SORCS2: variants seen among roughly 807,000 people sequenced by gnomAD.
SORCS2 encodes VPS10 domain-containing receptor SorCS2.
SORCS2 carries 100 observed loss-of-function variants against 141.6 expected under a neutral mutation model. The observed-to-expected ratio is 0.71, with a 90% CI of 0.60 to 0.83. SORCS2 has a LOEUF of 0.83. Among genes scored for constraint, SORCS2 ranks in the 40% least tolerant of loss-of-function variants. The probability of loss-of-function intolerance (pLI) is 0.00; values close to 1 mark genes in which losing one functional copy is unlikely to be tolerated. For missense variants in SORCS2, 1,646 were observed against 1,560.2 expected (o/e 1.05, Z -0.93); for synonymous variants, 789 against 676.9 (o/e 1.17, Z -2.57).
chr4:7,696,801 A>T (rs1368615024), intron 11 of SORCS2, among the ~76,000 whole-genome samples: 1 of 152,152 alleles, frequency 6.6e-6, no homozygotes, highest in Non-Finnish European at 1.5e-5. Flanking sequence ...GCTGTCTCCA[A>T]ACACAAACTC....
intron 1 of SORCS2, among the ~76,000 whole-genome samples, chr4:7,288,760 C>T (rs796617923): frequency 9.6e-4 from 112 of 116,870 alleles, no homozygotes; most frequent in African/African-American, 2.8e-3. Flanking sequence ...ACATTGGCAG[C>T]GAGGGCATCA....
At chr4:7,373,478 A>ATATATATATTTTTT (rs1470691140) in intron 1 of SORCS2, among the ~76,000 whole-genome samples, 3 of 36,814 alleles carry the variant, frequency 8.1e-5, no homozygotes, top group Non-Finnish European at 1.2e-4. Flanking sequence ...ATATATATAT[A>ATATATATATTTTTT]TTTTTTTTTT....
intron 2 of SORCS2, among the ~76,000 whole-genome samples, chr4:7,409,542 T>C (rs1056302228): frequency 5.3e-5 from 8 of 152,138 alleles, no homozygotes; most frequent in Non-Finnish European, 1.2e-4. Context: ...CTTCAGCACT[T>C]GAGTTGTTTT....
At chr4:7,551,875 A>G (rs1263058286) in intron 3 of SORCS2, among the ~76,000 whole-genome samples, 1 of 152,224 alleles carries the variant, frequency 6.6e-6, no homozygotes, top group African/African-American at 2.4e-5. Context: ...ATTGTAATAT[A>G]CAAATAATAC....
At chr4:7,454,342 G>A (rs573884385) in intron 2 of SORCS2, among the ~76,000 whole-genome samples, 20 of 123,984 alleles carry the variant, frequency 1.6e-4, no homozygotes, top group African/African-American at 5.7e-4. Flanking sequence ...CTGTGTTGGG[G>A]TCAGGCACTG....
chr4:7,626,702 T>C (rs1423280485), intron 3 of SORCS2, among the ~76,000 whole-genome samples: 1 of 152,244 alleles, frequency 6.6e-6, no homozygotes, highest in Admixed American at 6.5e-5. Flanking sequence ...TGGAACTCAC[T>C]ACCATCTGAA....
At chr4:7,471,307 G>A (rs985915235) in intron 2 of SORCS2, among the ~76,000 whole-genome samples, 6 of 152,222 alleles carry the variant, frequency 3.9e-5, no homozygotes, top group Non-Finnish European at 8.8e-5. Context: ...GCAATGTTGT[G>A]GCCTTCTCCC....
intron 2 of SORCS2, among the ~76,000 whole-genome samples, chr4:7,492,559 G>A (rs904758623): frequency 6.6e-6 from 1 of 152,168 alleles, no homozygotes; most frequent in Non-Finnish European, 1.5e-5. Context: ...CTTTTGCTAT[G>A]TACCCAGCAG....
intron 14 of SORCS2, among the ~76,000 whole-genome samples, chr4:7,711,849 G>A (rs900132326): frequency 6.6e-6 from 1 of 152,194 alleles, no homozygotes; most frequent in Non-Finnish European, 1.5e-5. Flanking sequence ...GCCGCAGGGT[G>A]CCTCCCCACC....
intron 1 of SORCS2, among the ~76,000 whole-genome samples, chr4:7,367,621 A>G (rs1721981391): frequency 6.6e-6 from 1 of 152,162 alleles, no homozygotes; most frequent in East Asian, 1.9e-4. Flanking sequence ...GCTCTGCATC[A>G]GTAGGATTTG....
intron 1 of SORCS2, among the ~76,000 whole-genome samples, chr4:7,375,077 G>A (rs1285461945): frequency 6.6e-6 from 1 of 152,174 alleles, no homozygotes; most frequent in Non-Finnish European, 1.5e-5. Context: ...GTAAGTCATG[G>A]TGATTCGATG....
At chr4:7,456,478 G>A (rs1560300084) in intron 2 of SORCS2, among the ~76,000 whole-genome samples, 2 of 148,108 alleles carry the variant, frequency 1.4e-5, no homozygotes, top group Admixed American at 6.7e-5. Context: ...TGAAGGGTGA[G>A]AGGGGGGGGG....
chr4:7,477,686 C>CT (rs1331010784), intron 2 of SORCS2, among the ~76,000 whole-genome samples: 26 of 152,280 alleles, frequency 1.7e-4, no homozygotes, highest in Non-Finnish European at 3.2e-4. Context: ...TGGATGGAGA[C>CT]AAATGGCCGT....
At chr4:7,269,334 G>A (rs1714960609) in intron 1 of SORCS2, among the ~76,000 whole-genome samples, 1 of 152,362 alleles carries the variant, frequency 6.6e-6, no homozygotes, top group Admixed American at 6.5e-5. Flanking sequence ...AGGGCCCCCG[G>A]TTGCACCATG....
chr4:7,517,956 G>A (rs1349719751), intron 2 of SORCS2, among the ~76,000 whole-genome samples: 1 of 152,214 alleles, frequency 6.6e-6, no homozygotes, highest in Non-Finnish European at 1.5e-5. Context: ...ACACACGCTG[G>A]ACGGAATATT....
chr4:7,666,180 C>T (rs968089272), intron 7 of SORCS2, among the ~76,000 whole-genome samples: 7 of 152,100 alleles, frequency 4.6e-5, no homozygotes, highest in Admixed American at 3.3e-4. Context: ...AGCCCTTGCT[C>T]ATCTCAGCCA....
intron 3 of SORCS2, among the ~76,000 whole-genome samples, chr4:7,602,411 G>A (rs1717767700): frequency 6.6e-6 from 1 of 151,440 alleles, no homozygotes. Flanking sequence ...GGGCGGCCGG[G>A]CAGAGACACT....
intron 12 of SORCS2, among the ~76,000 whole-genome samples, chr4:7,698,040 A>G (rs1724824037): frequency 6.6e-6 from 1 of 151,692 alleles, no homozygotes; most frequent in South Asian, 2.1e-4. Flanking sequence ...AGTCGGTACC[A>G]CGTGTCCTGC....
chr4:7,539,792 G>A (rs1712440744), intron 3 of SORCS2, among the ~76,000 whole-genome samples: 1 of 128,938 alleles, frequency 7.8e-6, no homozygotes, highest in South Asian at 2.9e-4. Context: ...TGTTGTGGAT[G>A]CTCTGCCTCC....
Sources: gnomAD v4.1 joint callset for allele counts (sites outside exome capture counted in the v4.1 genomes callset) on GRCh38, gnomAD v4.1.1 for gene constraint, MANE v1.5 for transcripts, NCBI Gene and HGNC (gene_info 2026-07-23, HGNC 2026-07-21) for gene names.